Variants in CACNG2 observed in about 807,000 individuals in gnomAD.
The protein encoded by CACNG2 is calcium voltage-gated channel auxiliary subunit gamma 2.
A neutral mutation model predicts 25.9 loss-of-function variants in CACNG2; 3 were observed. The ratio of observed to expected loss-of-function variants is 0.12; its 90% CI spans 0.05 to 0.30. CACNG2 has a LOEUF of 0.30. Among genes scored for constraint, CACNG2 ranks in the 10% least tolerant of loss-of-function variants. The probability of loss-of-function intolerance (pLI) is 1.00; values close to 1 mark genes in which losing one functional copy is unlikely to be tolerated. For missense variants in CACNG2, 341 were observed against 432.5 expected (o/e 0.79, Z 1.88); for synonymous variants, 167 against 173.3 (o/e 0.96, Z 0.29).
At chr22:36,640,129 C>T (rs1354891501) in intron 1 of CACNG2, among the ~76,000 whole-genome samples, 1 of 152,150 alleles carries the variant, frequency 6.6e-6, no homozygotes, top group Non-Finnish European at 1.5e-5. Flanking sequence ...CATATCCCAG[C>T]CCTATCATCC....
chr22:36,574,279 G>A (rs576304024), intron 2 of CACNG2, among the ~76,000 whole-genome samples: 2 of 152,198 alleles, frequency 1.3e-5, no homozygotes, highest in East Asian at 1.9e-4. Context: ...GAGTGATGCC[G>A]GTGCTTGGGC....
chr22:36,587,486 C>T lies in CACNG2; in HGVS notation c.274G>A (p.Asp92Asn), dbSNP rs577819242. The change falls in exon 2 of 4, where the codon GAC (aspartate) becomes AAC (asparagine). Residue 92 changes from aspartate (D) to asparagine (N), a missense_variant. Physicochemically the swap from Asp to Asn is conservative, Grantham distance 23. This residue lies in a region of CACNG2 where 169 missense variants were observed against 254.4 expected (regional missense o/e 0.66). Coordinates refer to ENST00000300105, the MANE Select transcript of CACNG2 (RefSeq NM_006078.5). ...TCACGGAGGAAATATTCTGCTGTGT[C>T]AGCTTCGTAATCTGCATCCTCTGGG... The part of the protein sequence containing the change: ...HFPEDADYEA[D>N]TAEYFLRAVR... 4.8e-5 allele frequency: 77 copies of T among 1,613,240 alleles called. No individual in the cohort carries two copies. Among genetic ancestry groups the T allele is most frequent in the Non-Finnish European group, 6.1e-5 (72 of 1,179,288 alleles).
intron 2 of CACNG2, among the ~76,000 whole-genome samples, chr22:36,586,773 C>T (rs1935511122): frequency 6.6e-6 from 1 of 152,188 alleles, no homozygotes; most frequent in African/African-American, 2.4e-5. Context: ...CAGCCCCTCT[C>T]TTGGAAATCC....
chr22:36,587,595 G>A (rs1935525456), intron 1 of CACNG2, 47 bp from the exon 2 acceptor site: 1 of 1,327,314 alleles, frequency 7.5e-7, no homozygotes, highest in Admixed American at 1.7e-5. Context: ...ATAGTTTTGG[G>A]GGCGCTTAGG....
At chr22:36,586,790 C>T (rs528352435) in intron 2 of CACNG2, among the ~76,000 whole-genome samples, 2 of 152,328 alleles carry the variant, frequency 1.3e-5, no homozygotes, top group East Asian at 3.9e-4. Flanking sequence ...ATCCCTTTCT[C>T]AGGGAATAGG....
chr22:36,651,271 C>T (rs953090593), intron 1 of CACNG2, among the ~76,000 whole-genome samples: 2 of 144,936 alleles, frequency 1.4e-5, no homozygotes, highest in Admixed American at 1.4e-4. Flanking sequence ...CTCTGTTGCC[C>T]AGGCTGGAGT....
At chr22:36,677,241 A>G (rs1036361553) in intron 1 of CACNG2, among the ~76,000 whole-genome samples, 19 of 152,192 alleles carry the variant, frequency 1.2e-4, no homozygotes, top group Non-Finnish European at 2.8e-4. Flanking sequence ...TTCTGCATTC[A>G]AAGATTCTGA....
At chr22:36,585,551 T>G (rs1392663065) in intron 2 of CACNG2, 1 of 152,204 alleles carries the variant, frequency 6.6e-6, no homozygotes, top group Non-Finnish European at 1.5e-5. Context: ...CAAGTTAAGT[T>G]TCACTGTAAC....
chr22:36,673,273 C>T (rs1456939448), intron 1 of CACNG2, among the ~76,000 whole-genome samples: 1 of 151,910 alleles, frequency 6.6e-6, no homozygotes, highest in Non-Finnish European at 1.5e-5. Context: ...GAATGAATCT[C>T]CCAGAAAGCA....
At chr22:36,576,752 T>TG (rs1935323124) in intron 2 of CACNG2, among the ~76,000 whole-genome samples, 1 of 152,170 alleles carries the variant, frequency 6.6e-6, no homozygotes, top group African/African-American at 2.4e-5. Context: ...GGACCCCCAC[T>TG]GGCTCTGTAG....
intron 1 of CACNG2, among the ~76,000 whole-genome samples, chr22:36,655,639 A>C (rs1359191637): frequency 6.6e-6 from 1 of 152,134 alleles, no homozygotes; most frequent in Non-Finnish European, 1.5e-5. Context: ...CAATGGGTGC[A>C]GTTCACTTAA....
At chr22:36,634,514 A>T (rs1372898158) in intron 1 of CACNG2, among the ~76,000 whole-genome samples, 2 of 152,190 alleles carry the variant, frequency 1.3e-5, no homozygotes, top group African/African-American at 4.8e-5. Flanking sequence ...AGCCACTGTG[A>T]TCTGGGGGTT....
At chr22:36,577,385 T>C (rs1016082817) in intron 2 of CACNG2, among the ~76,000 whole-genome samples, 1 of 151,756 alleles carries the variant, frequency 6.6e-6, no homozygotes, top group Non-Finnish European at 1.5e-5. Context: ...GGCGCGGTGG[T>C]TCACACCTGT....
chr22:36,678,887 A>T (rs1055298538), intron 1 of CACNG2, among the ~76,000 whole-genome samples: 1 of 152,080 alleles, frequency 6.6e-6, no homozygotes, highest in African/African-American at 2.4e-5. Flanking sequence ...TGGCTCATCC[A>T]TCTCATCGCA....
intron 2 of CACNG2, among the ~76,000 whole-genome samples, chr22:36,581,346 G>C (rs1360590247): frequency 6.6e-6 from 1 of 152,190 alleles, no homozygotes; most frequent in African/African-American, 2.4e-5. Context: ...GGGAGTAAGA[G>C]TGTCCATTCA....
chr22:36,590,080 C>T (rs1037470131), intron 1 of CACNG2, among the ~76,000 whole-genome samples: 1 of 152,186 alleles, frequency 6.6e-6, no homozygotes, highest in Non-Finnish European at 1.5e-5. Flanking sequence ...GAGCTTCACC[C>T]AGCAGGGCCC....
intron 1 of CACNG2, among the ~76,000 whole-genome samples, chr22:36,664,866 A>G (rs1936852409): frequency 6.6e-6 from 1 of 152,218 alleles, no homozygotes; most frequent in African/African-American, 2.4e-5. Flanking sequence ...TTTTAGGCTG[A>G]TGTAAAGAGA....
At chr22:36,597,691 A>G (rs1479004577) in intron 1 of CACNG2, among the ~76,000 whole-genome samples, 1 of 152,090 alleles carries the variant, frequency 6.6e-6, no homozygotes, top group African/African-American at 2.4e-5. Flanking sequence ...CTACGCTCCT[A>G]TGCAGTGCTT....
intron 1 of CACNG2, among the ~76,000 whole-genome samples, chr22:36,592,713 C>T (rs908449287): frequency 9.9e-5 from 15 of 151,890 alleles, no homozygotes; most frequent in Middle Eastern, 3.4e-3. Context: ...CTTGACTGGA[C>T]CATGCTTTGA....
Sources: gnomAD v4.1 joint callset for allele counts (sites outside exome capture counted in the v4.1 genomes callset) on GRCh38, gnomAD v4.1.1 for gene constraint, gnomAD v4.1.1 regional missense constraint, MANE v1.5 for transcripts, NCBI Gene and HGNC (gene_info 2026-07-23, HGNC 2026-07-21) for gene names.